Variants in TRPM3 observed in about 807,000 individuals in gnomAD.
The protein encoded by TRPM3 is transient receptor potential cation channel subfamily M member 3.
TRPM3 carries 77 observed loss-of-function variants against 181.2 expected under a neutral mutation model. That is an observed-to-expected ratio of 0.42 (90% CI 0.35 to 0.51). TRPM3 has a LOEUF of 0.51. Among genes scored for constraint, TRPM3 ranks in the 20% least tolerant of loss-of-function variants. TRPM3 has a pLI of 0.01. For synonymous variants in TRPM3, 745 were observed against 796.4 expected, an observed-to-expected ratio of 0.94 and a Z score of 1.09; for missense variants, 1,759 against 2,196.7, an observed-to-expected ratio of 0.80 and a Z score of 3.98.
intron 1 of TRPM3, among the ~76,000 whole-genome samples, chr9:71,042,283 CTGCTG>C (rs1192671329): frequency 6.6e-6 from 1 of 152,128 alleles, no homozygotes; most frequent in Non-Finnish European, 1.5e-5. Flanking sequence ...AACTGAGCCT[CTGCTG>C]TGCTAATTTG....
At chr9:71,079,233 C>T (rs910269442) in intron 1 of TRPM3, among the ~76,000 whole-genome samples, 6 of 152,100 alleles carry the variant, frequency 3.9e-5, no homozygotes, top group African/African-American at 1.4e-4. Context: ...GAGTAATGCA[C>T]AAGATGAGAA....
chr9:70,778,652 C>T (rs2081921212), intron 7 of TRPM3, among the ~76,000 whole-genome samples: 1 of 152,142 alleles, frequency 6.6e-6, no homozygotes, highest in Non-Finnish European at 1.5e-5. Flanking sequence ...ATAATGGATA[C>T]ATGAAGCCAG....
chr9:71,380,309 T>TA (rs1003293868), intron 1 of TRPM3, among the ~76,000 whole-genome samples: 28 of 151,614 alleles, frequency 1.8e-4, no homozygotes, highest in African/African-American at 5.3e-4. Flanking sequence ...AAACAATGAT[T>TA]AAAAAAAAAT....
chr9:71,270,486 G>T (rs1279621098), intron 1 of TRPM3, among the ~76,000 whole-genome samples: 2 of 152,110 alleles, frequency 1.3e-5, no homozygotes, highest in Non-Finnish European at 2.9e-5. Flanking sequence ...TGCTTATTCA[G>T]CCTAAACTTA....
At position 70,621,247 on chromosome 9, in the gene TRPM3, C is replaced by T; in HGVS notation, c.1836G>A (p.Met612Ile). The change falls in exon 15 of 26, where the codon ATG becomes ATA. Residue 612 changes from methionine (M) to isoleucine (I), a missense_variant. Physicochemically the swap from Met to Ile is conservative, Grantham distance 10. This residue lies in a region of TRPM3 where 737 missense variants were observed against 957.4 expected (regional missense o/e 0.77). Coordinates refer to ENST00000677713, the MANE Select transcript of TRPM3 (RefSeq NM_001366145.2). ...KRPKALKLLGMEDDIPLRRGR... is the reference protein window; with the variant it reads ...KRPKALKLLGIEDDIPLRRGR... ...AATAATTTGGACAAACACTTACCTCCATTCCCAGCAGTTTCAAGGCTTTGG... is the reference window on the plus strand; with the variant it reads ...AATAATTTGGACAAACACTTACCTCTATTCCCAGCAGTTTCAAGGCTTTGG... The T allele has an allele frequency of 6.3e-7, 1 of 1,597,328 alleles. No individual in the cohort carries two copies. The highest frequency in any genetic ancestry group is 8.5e-7 in the Non-Finnish European group (1 of 1,171,838).
intron 1 of TRPM3, among the ~76,000 whole-genome samples, chr9:71,322,038 A>G (rs1470831976): frequency 1.3e-5 from 2 of 152,162 alleles, no homozygotes; most frequent in Admixed American, 1.3e-4. Flanking sequence ...TGTTTAATTA[A>G]AAGTTGTAGA....
chr9:70,816,553 T>C (rs1396468649), intron 6 of TRPM3, among the ~76,000 whole-genome samples: 1 of 152,212 alleles, frequency 6.6e-6, no homozygotes, highest in Non-Finnish European at 1.5e-5. Context: ...CCAACCTCCA[T>C]TCTACCACCT....
chr9:71,099,986 C>G (rs1340074837), intron 1 of TRPM3, among the ~76,000 whole-genome samples: 1 of 152,074 alleles, frequency 6.6e-6, no homozygotes, highest in Non-Finnish European at 1.5e-5. Flanking sequence ...GTGCTGTAGT[C>G]TCTTATTTTT....
intron 1 of TRPM3, among the ~76,000 whole-genome samples, chr9:71,348,175 T>C (rs1379524076): frequency 6.6e-6 from 1 of 152,202 alleles, no homozygotes; most frequent in African/African-American, 2.4e-5. Context: ...CAGAGACACA[T>C]TTCAGTGCGC....
intron 21 of TRPM3, among the ~76,000 whole-genome samples, chr9:70,591,673 C>T (rs80176522): frequency 0.021 from 3,213 of 152,266 alleles, 47 homozygotes; most frequent in Non-Finnish European, 0.033. Context: ...AACCTCCTTT[C>T]TAAGTTCTGA....
At chr9:70,605,757 T>G (rs1258020543) in intron 19 of TRPM3, among the ~76,000 whole-genome samples, 2 of 152,254 alleles carry the variant, frequency 1.3e-5, no homozygotes, top group Admixed American at 6.5e-5. Flanking sequence ...TTCCCTCTCC[T>G]TGTTGCTTCC....
intron 8 of TRPM3, among the ~76,000 whole-genome samples, chr9:70,696,974 CT>C (rs11298195): frequency 0.51 from 77,183 of 151,566 alleles, 20,539 homozygotes; most frequent in Non-Finnish European, 0.58. Context: ...GGAGAAGCTG[CT>C]TTTTTTTCTG....
At position 71,103,568 on chromosome 9, in the gene TRPM3, C is replaced by T. The variant is rs1443453534; in HGVS notation, c.177+17610G>A. The stretch of plus-strand genomic sequence containing the variant: ...TCTCACTGACTACAGAGTCCTGGAA[C>T]AAAGAGGGCAGAACAATGACCCAGT... On this transcript the variant is annotated intron_variant, in intron 1 of 25. Coordinates refer to ENST00000677713, the MANE Select transcript of TRPM3 (RefSeq NM_001366145.2). 2.6e-5 allele frequency among the ~76,000 whole-genome samples: 4 copies of T among 152,130 alleles called. No homozygotes were observed. In the South Asian group the frequency reaches 8.3e-4, roughly 32 times the overall value.
At chr9:71,044,244 A>G (rs181553697) in intron 1 of TRPM3, among the ~76,000 whole-genome samples, 2 of 152,186 alleles carry the variant, frequency 1.3e-5, no homozygotes, top group East Asian at 1.9e-4. Flanking sequence ...TGGCATCTCT[A>G]TGTTCCATGG....
At chr9:71,313,844 TG>T (rs2088265322) in intron 1 of TRPM3, among the ~76,000 whole-genome samples, 1 of 152,136 alleles carries the variant, frequency 6.6e-6, no homozygotes, top group African/African-American at 2.4e-5. Context: ...TTGTAAATAT[TG>T]AAAGAGTATA....
rs951193927 is a variant in TRPM3 at position 71,021,496 on chromosome 9, A to G, written c.177+99682T>C. On this transcript the variant is annotated intron_variant, in intron 1 of 25. Coordinates refer to ENST00000677713, the MANE Select transcript of TRPM3 (RefSeq NM_001366145.2). The stretch of plus-strand genomic sequence containing the variant: ...TGGTATTAGGAACCTTTGTATTGAA[A>G]TAGACAAGGGGTTGTTACTTAGCAC... Among the ~76,000 whole-genome samples the G allele has an allele frequency of 8.5e-5, 13 of 152,346 alleles. 1 individual carries two copies. Among genetic ancestry groups the G allele is most frequent in the African/African-American group, 3.1e-4 (13 of 41,570 alleles).
chr9:70,865,201 T>C (rs2095623709), intron 1 of TRPM3: 1 of 152,082 alleles, frequency 6.6e-6, no homozygotes, highest in South Asian at 2.1e-4. Flanking sequence ...CTTCTTAGAA[T>C]GGGCTCTGTT....
chr9:70,962,892 G>T (rs2097150780), intron 1 of TRPM3, among the ~76,000 whole-genome samples: 1 of 152,120 alleles, frequency 6.6e-6, no homozygotes, highest in African/African-American at 2.4e-5. Context: ...TCAGCGGAAT[G>T]TCTGGAACAT....
At chr9:70,887,389 A>T (rs1212467034) in intron 1 of TRPM3, among the ~76,000 whole-genome samples, 2 of 152,334 alleles carry the variant, frequency 1.3e-5, no homozygotes, top group East Asian at 3.9e-4. Flanking sequence ...GTCATTACTC[A>T]TCTAAAGTGT....
Sources: gnomAD v4.1 joint callset for allele counts (sites outside exome capture counted in the v4.1 genomes callset) on GRCh38, gnomAD v4.1.1 for gene constraint, gnomAD v4.1.1 regional missense constraint, MANE v1.5 for transcripts, NCBI Gene and HGNC (gene_info 2026-07-23, HGNC 2026-07-21) for gene names.